Variants in MORC1 observed in about 807,000 individuals in gnomAD.
MORC1 encodes MORC family CW-type zinc finger 1, also known as MORC family CW-type zinc finger protein 1.
A neutral mutation model predicts 134.9 loss-of-function variants in MORC1; 59 were observed. The observed-to-expected ratio is 0.44, with a 90% CI of 0.35 to 0.54. MORC1 has a LOEUF of 0.54. Ranked by LOEUF, MORC1 falls within the 20% of genes least tolerant of loss-of-function variation. The pLI, the probability that MORC1 is intolerant of heterozygous loss-of-function variation, is 0.00. For synonymous variants in MORC1, 395 were observed against 391.7 expected (o/e 1.01, Z -0.10); for missense variants, 947 against 1,134.5 (o/e 0.83, Z 2.37).
At position 108,971,413 on chromosome 3, in the gene MORC1, A is replaced by G. The variant is rs376254200; in HGVS notation, c.2478-11T>C. Reference sequence around the variant, plus strand: ...TACAGAAGAATCTCCCTAGGAATACAAGCACAGCAGATATGGGAATATACT... The same window carrying G: ...TACAGAAGAATCTCCCTAGGAATACGAGCACAGCAGATATGGGAATATACT... On this transcript the variant is annotated splice_polypyrimidine_tract_variant and intron_variant, in intron 24 of 27. Transcript: ENST00000232603. 4.5e-5 allele frequency: 72 copies of G among 1,607,064 alleles called. 1 individual carries two copies. In the Middle Eastern group the frequency reaches 1.3e-3, roughly 30 times the overall value.
rs552411992 is a variant in MORC1, at chr3:108,987,076, T to C, written c.2188-127A>G. The C allele has an allele frequency of 6.1e-4, 358 of 583,628 alleles. 1 individual carries two copies. In the African/African-American group the frequency reaches 6.4e-3, roughly 10 times the overall value. 36.2% of individuals were successfully genotyped at this position (583,628 alleles called of 1,614,324 possible). On this transcript the variant is annotated intron_variant, in intron 21 of 27. Transcript: ENST00000232603. ...CATAATGTTAGCAGCAGTAAAGCTA[T>C]GCACTTTTTATAAAGGGAACAAATG...
intron 17 of MORC1, among the ~76,000 whole-genome samples, chr3:109,020,493 G>T (rs1245672873): frequency 6.6e-6 from 1 of 152,134 alleles, no homozygotes; most frequent in African/African-American, 2.4e-5. Flanking sequence ...CCCCAGTTAA[G>T]ATTAAGTATG....
At chr3:109,068,826 G>A (rs1287052368) in intron 9 of MORC1, among the ~76,000 whole-genome samples, 2 of 152,168 alleles carry the variant, frequency 1.3e-5, no homozygotes, top group African/African-American at 4.8e-5. Context: ...TGGAAAAAAT[G>A]GATATTATAA....
At chr3:109,111,954 T>C (rs1250799973) in intron 2 of MORC1, among the ~76,000 whole-genome samples, 3 of 152,156 alleles carry the variant, frequency 2.0e-5, no homozygotes, top group African/African-American at 7.2e-5. Flanking sequence ...ATGTATCAAG[T>C]AAGCACTGAA....
intron 9 of MORC1, among the ~76,000 whole-genome samples, chr3:109,066,646 T>C (rs931154584): frequency 1.3e-5 from 2 of 152,246 alleles, no homozygotes; most frequent in African/African-American, 2.4e-5. Flanking sequence ...GCCTTGCACA[T>C]AGTGGTCATT....
At chr3:108,985,456 T>C (rs1487922740) in intron 22 of MORC1, among the ~76,000 whole-genome samples, 1 of 152,184 alleles carries the variant, frequency 6.6e-6, no homozygotes, top group Non-Finnish European at 1.5e-5. Flanking sequence ...AGTAAACCTT[T>C]ACCAAGAAGT....
intron 13 of MORC1, among the ~76,000 whole-genome samples, chr3:109,056,342 CT>C (rs1949960280): frequency 6.6e-6 from 1 of 152,198 alleles, no homozygotes; most frequent in African/African-American, 2.4e-5. Context: ...ATTCTCCTGC[CT>C]CAGCCTCCCG....
intron 14 of MORC1, among the ~76,000 whole-genome samples, chr3:109,037,931 G>C (rs1376360045): frequency 2.0e-5 from 3 of 152,216 alleles, no homozygotes; most frequent in Non-Finnish European, 4.4e-5. Context: ...ATAGCAGCAT[G>C]ATTTCTAATC....
chr3:109,104,441 T>G (rs1335917032), intron 3 of MORC1, among the ~76,000 whole-genome samples: 3 of 152,222 alleles, frequency 2.0e-5, no homozygotes, highest in African/African-American at 7.2e-5. Flanking sequence ...AAGACGCACT[T>G]AATTTTTGAA....
intron 14 of MORC1, among the ~76,000 whole-genome samples, chr3:109,049,773 G>A (rs1222141692): frequency 6.6e-6 from 1 of 152,106 alleles, no homozygotes; most frequent in Non-Finnish European, 1.5e-5. Flanking sequence ...CATATTATTA[G>A]GTGTACCAAT....
intron 21 of MORC1, among the ~76,000 whole-genome samples, chr3:108,998,783 C>A (rs913554300): frequency 2.6e-5 from 4 of 152,112 alleles, no homozygotes; most frequent in Non-Finnish European, 4.4e-5. Context: ...TAATTAGACA[C>A]CATGAGTATG....
intron 9 of MORC1, among the ~76,000 whole-genome samples, chr3:109,068,129 C>A (rs1950240129): frequency 6.6e-6 from 1 of 152,262 alleles, no homozygotes; most frequent in East Asian, 1.9e-4. Flanking sequence ...GGCAAAAAGG[C>A]ACATATATAA....
At chr3:108,978,255 G>A (rs1377463288) in intron 24 of MORC1, among the ~76,000 whole-genome samples, 2 of 152,190 alleles carry the variant, frequency 1.3e-5, no homozygotes, top group Admixed American at 6.5e-5. Context: ...GCTAGTGGAA[G>A]ACTGCCAACC....
Position 109,114,384 on chromosome 3 carries a change from C to T in MORC1, c.119G>A (p.Arg40Lys), listed in dbSNP as rs758976851. The T allele has an allele frequency of 3.8e-5, 61 of 1,610,882 alleles. 1 individual carries two copies. The Admixed American group carries it at 8.9e-4, about 23-fold the overall frequency. ...GALAELLDNA[R>K]DAGAERLDVF... ...ACTGTTGTTTACAGATAAACCTTAC[C>T]TTGCATTGTCCAGCAATTCAGCCAG... The change falls in exon 2 of 28, where the codon AGA (arginine) becomes AAA (lysine). Residue 40 changes from arginine to lysine, a missense_variant and splice_region_variant. Arg to Lys is a conservative substitution (Grantham distance 26, BLOSUM62 2). Coordinates refer to ENST00000232603, the MANE Select transcript of MORC1 (RefSeq NM_014429.4).
chr3:109,005,389 A>G, intron 18 of MORC1, 74 bp from the exon 19 acceptor site: 1 of 1,359,258 alleles, frequency 7.4e-7, no homozygotes. Flanking sequence ...TTCTCTCATA[A>G]CCTCATTATA....
intron 3 of MORC1, among the ~76,000 whole-genome samples, chr3:109,105,039 C>G (rs918189385): frequency 2.6e-5 from 4 of 152,112 alleles, no homozygotes; most frequent in Non-Finnish European, 5.9e-5. Context: ...TGCTTTCTGT[C>G]CCCATAGATT....
intron 4 of MORC1, 103 bp from the exon 5 acceptor site, chr3:109,100,610 C>CCATA: frequency 1.1e-6 from 1 of 870,438 alleles, no homozygotes; most frequent in Non-Finnish European, 1.9e-6. Flanking sequence ...CAGGACAAAC[C>CCATA]CATAGCTCTT....
chr3:109,037,239 T>C (rs1949401066), intron 14 of MORC1, among the ~76,000 whole-genome samples: 1 of 152,204 alleles, frequency 6.6e-6, no homozygotes, highest in African/African-American at 2.4e-5. Context: ...TGTTTCTTTC[T>C]AAGAAACTGG....
At chr3:109,067,942 C>T (rs114709661) in intron 9 of MORC1, among the ~76,000 whole-genome samples, 1,832 of 152,170 alleles carry the variant, frequency 0.012, 33 homozygotes, top group African/African-American at 0.04. Flanking sequence ...ATGACAAATG[C>T]AGACATATAA....
Sources: gnomAD v4.1 joint callset for allele counts (sites outside exome capture counted in the v4.1 genomes callset) on GRCh38, gnomAD v4.1.1 for gene constraint, MANE v1.5 for transcripts, NCBI Gene and HGNC (gene_info 2026-07-23, HGNC 2026-07-21) for gene names.